Variants in DCTN5 observed in about 807,000 individuals in gnomAD.
The protein encoded by DCTN5 is dynactin 4.
Under a neutral mutation model 23.5 loss-of-function variants are expected in DCTN5, and 14 were observed. The ratio of observed to expected loss-of-function variants is 0.60; its 90% CI spans 0.39 to 0.93. The LOEUF is 0.93. Among genes scored for constraint, DCTN5 ranks in the 40% least tolerant of loss-of-function variants. The pLI is 0.00. For synonymous variants in DCTN5, 67 were observed against 79.6 expected (o/e 0.84, Z 0.84); for missense variants, 156 against 225.9 (o/e 0.69, Z 1.98).
At chr16:23,665,816 C>A in intron 5 of DCTN5, 88 bp downstream of exon 5, 1 of 1,096,966 alleles carries the variant, frequency 9.1e-7, no homozygotes, top group Admixed American at 2.1e-5. Flanking sequence ...CGATTCCTAT[C>A]TCTGGCAATA....
chr16:23,643,558 G>T (rs1967356777), intron 2 of DCTN5, among the ~76,000 whole-genome samples: 1 of 151,916 alleles, frequency 6.6e-6, no homozygotes, highest in Admixed American at 6.6e-5. Flanking sequence ...TTTCTTTTAT[G>T]CCAGGAACAA....
chr16:23,663,852 A>G (rs1323899997), intron 4 of DCTN5, among the ~76,000 whole-genome samples: 1 of 152,256 alleles, frequency 6.6e-6, no homozygotes, highest in Non-Finnish European at 1.5e-5. Flanking sequence ...AAACCCAGTT[A>G]AGTATTATTT....
intron 3 of DCTN5, among the ~76,000 whole-genome samples, chr16:23,659,742 A>G (rs528091041): frequency 2.0e-5 from 3 of 152,352 alleles, no homozygotes; most frequent in South Asian, 4.1e-4. Flanking sequence ...TTTCCATGAC[A>G]TACAAGAACT....
chr16:23,644,512 G>C (rs1416505759), intron 2 of DCTN5, among the ~76,000 whole-genome samples: 1 of 151,782 alleles, frequency 6.6e-6, no homozygotes, highest in African/African-American at 2.4e-5. Flanking sequence ...GTGTTAGCCA[G>C]GATGGTCTCA....
At chr16:23,666,797 C>T in intron 5 of DCTN5, 4 of 543,468 alleles carry the variant, frequency 7.4e-6, no homozygotes. Context: ...GGCCATTCTA[C>T]CGTGTCATGC....
intron 2 of DCTN5, among the ~76,000 whole-genome samples, chr16:23,650,139 C>G (rs1967568754): frequency 6.6e-6 from 1 of 152,024 alleles, no homozygotes; most frequent in Admixed American, 6.6e-5. Flanking sequence ...AGTGTGATGC[C>G]CCCTTCAGCT....
In DCTN5 at chr16:23,675,036, A is replaced by G. The variant is rs1486270801; in HGVS notation, c.*7892A>G. ...TAACTTAGTTACCTCTTCAGGGCCT[A>G]TCTTCAAATATACTCACATTTTGAG... On this transcript the variant is annotated 3_prime_UTR_variant, in exon 6 of 6. Transcript: ENST00000300087. The G allele has an allele frequency of 6.6e-6, 1 of 152,128 alleles. No individual in the cohort carries two copies. Among genetic ancestry groups the G allele is most frequent in the Non-Finnish European group, 1.5e-5 (1 of 68,030 alleles). The allele number at this position is 152,128 out of a possible 1,614,324, so 9.4% of individuals were successfully genotyped here.
At chr16:23,644,813 A>C (rs1236025277) in intron 2 of DCTN5, among the ~76,000 whole-genome samples, 1 of 151,042 alleles carries the variant, frequency 6.6e-6, no homozygotes, top group African/African-American at 2.4e-5. Context: ...TTATTATTTG[A>C]GACAGTTGCC....
rs1162629054 is a variant in DCTN5 at position 23,677,342 on chromosome 16, G to A, written c.*10198G>A. 6 of 152,146 alleles carry A rather than the reference G, an allele frequency of 3.9e-5. No individual in the cohort carries two copies. The highest frequency in any genetic ancestry group is 8.8e-5 in the Non-Finnish European group (6 of 68,028). The allele number at this position is 152,146 out of a possible 1,614,324, so 9.4% of individuals were successfully genotyped here. On this transcript the variant is annotated 3_prime_UTR_variant, in exon 6 of 6. Coordinates refer to ENST00000300087, the MANE Select transcript of DCTN5 (RefSeq NM_032486.4). The stretch of plus-strand genomic sequence containing the variant: ...TGTCATGTTCCCTTTCTCAATCTGG[G>A]TGTGGTTTACAGATTTGTTCAGTTT...
chr16:23,666,909 G>A, intron 5 of DCTN5, 138 bp from the exon 6 acceptor site: 1 of 1,399,584 alleles, frequency 7.1e-7, no homozygotes, highest in Non-Finnish European at 9.6e-7. Flanking sequence ...GCAAGCACTG[G>A]ACCAGAACAG....
chr16:23,642,613 G>A (rs569668298), intron 1 of DCTN5: 17 of 197,592 alleles, frequency 8.6e-5, no homozygotes, highest in Non-Finnish European at 1.7e-4. Flanking sequence ...CTTCTGAGGA[G>A]CTGGGACTAC....
intron 2 of DCTN5, among the ~76,000 whole-genome samples, chr16:23,652,238 A>G (rs1050983402): frequency 1.6e-4 from 24 of 152,130 alleles, no homozygotes; most frequent in African/African-American, 5.8e-4. Context: ...ATTCACCTAT[A>G]TATCAGGAGT....
chr16:23,665,849 A>AT, intron 5 of DCTN5, 121 bp downstream of exon 5: 1 of 779,266 alleles, frequency 1.3e-6, no homozygotes, highest in Non-Finnish European at 2.1e-6. Flanking sequence ...TAACTTAGAA[A>AT]TTCACCTGTA....
Position 23,667,316 on chromosome 16 carries a change from T to A in DCTN5, c.*172T>A. On this transcript the variant is annotated 3_prime_UTR_variant, in exon 6 of 6. Transcript: ENST00000300087. Reference sequence around the variant, plus strand: ...TTCAAGGCTCTAAGTGCTTAAGAATTCACTAACAGACAGACCATCTGGAGG... The same window carrying A: ...TTCAAGGCTCTAAGTGCTTAAGAATACACTAACAGACAGACCATCTGGAGG... 1.3e-6 allele frequency: 1 copy of A among 744,178 alleles called. No homozygotes were observed. The allele number at this position is 744,178 out of a possible 1,614,324, so 46.1% of individuals were successfully genotyped here.
intron 2 of DCTN5, chr16:23,651,112 G>T (rs1473954479): frequency 7.6e-7 from 1 of 1,308,830 alleles, no homozygotes; most frequent in African/African-American, 1.5e-5. Flanking sequence ...AAAATTAAAA[G>T]AAATAAATAA....
At chr16:23,665,595 C>CCATT in intron 4 of DCTN5, 31 bp from the exon 5 acceptor site, 1 of 1,588,542 alleles carries the variant, frequency 6.3e-7, no homozygotes, top group Non-Finnish European at 8.6e-7. Flanking sequence ...GTAGACTGAT[C>CCATT]CATTTCCTAT....
chr16:23,645,139 T>G (rs561489183), intron 2 of DCTN5, among the ~76,000 whole-genome samples: 2 of 64,012 alleles, frequency 3.1e-5, no homozygotes, highest in Non-Finnish European at 6.0e-5. Flanking sequence ...ATATATATAT[T>G]TTTTTTTTTT....
chr16:23,643,273 C>A (rs1255935911), intron 2 of DCTN5, among the ~76,000 whole-genome samples: 2 of 151,728 alleles, frequency 1.3e-5, no homozygotes, highest in African/African-American at 4.8e-5. Context: ...GTCGCTGCAA[C>A]CTCCGTCTCC....
In DCTN5 at chr16:23,670,272, T is replaced by C. The variant is rs1967982530; in HGVS notation, c.*3128T>C. ...TTTACATGGCTGCACAGAGCCCTTG[T>C]GGTTATTTGGGGTTGGGGTGGTGGC... On this transcript the variant is annotated 3_prime_UTR_variant, in exon 6 of 6. Transcript: ENST00000300087. 1 of 152,298 alleles carries C rather than the reference T, an allele frequency of 6.6e-6. No homozygotes were observed. Among genetic ancestry groups the C allele is most frequent in the African/African-American group, 2.4e-5 (1 of 41,428 alleles). The allele number at this position is 152,298 out of a possible 1,614,324, so 9.4% of individuals were successfully genotyped here.
Sources: allele counts gnomAD v4.1 joint callset (sites outside exome capture counted in the v4.1 genomes callset), GRCh38; gene constraint gnomAD v4.1.1; transcripts MANE v1.5; gene names NCBI Gene and HGNC (gene_info 2026-07-23, HGNC 2026-07-21).